The following SUPT3H variants were observed in gnomAD, a reference collection of about 807,000 sequenced individuals.
The protein encoded by SUPT3H is transcription initiation protein SPT3 homolog.
A neutral mutation model predicts 44.3 loss-of-function variants in SUPT3H; 44 were observed. The observed-to-expected ratio is 0.99, with a 90% CI of 0.78 to 1.28. The LOEUF (loss-of-function observed/expected upper bound fraction) is 1.28, where lower values mean the gene tolerates loss of function less well. SUPT3H is among the 50% of genes most tolerant of loss of function. The pLI is 0.00. For missense variants in SUPT3H, 380 were observed against 387.1 expected, an observed-to-expected ratio of 0.98 and a Z score of 0.15; for synonymous variants, 124 against 125.6, an observed-to-expected ratio of 0.99 and a Z score of 0.09.
At chr6:45,141,272 G>A (rs6458420) in intron 2 of SUPT3H, among the ~76,000 whole-genome samples, 58,971 of 138,486 alleles carry the variant, frequency 0.43, 12,182 homozygotes, top group East Asian at 0.72. Flanking sequence ...CCCGGGAGGC[G>A]AAGGTTGCAG....
intron 3 of SUPT3H, among the ~76,000 whole-genome samples, chr6:45,093,734 T>A (rs971467515): frequency 6.6e-6 from 1 of 152,146 alleles, no homozygotes; most frequent in African/African-American, 2.4e-5. Context: ...CATTACTTTT[T>A]ATAATTCAAG....
intron 2 of SUPT3H, among the ~76,000 whole-genome samples, chr6:45,187,801 A>T (rs1814498398): frequency 6.6e-6 from 1 of 152,194 alleles, no homozygotes; most frequent in Admixed American, 6.5e-5. Context: ...TTAGATGCAA[A>T]ATCATCAACA....
chr6:44,978,688 C>T (rs912793852), intron 6 of SUPT3H, among the ~76,000 whole-genome samples: 3 of 152,108 alleles, frequency 2.0e-5, no homozygotes, highest in Non-Finnish European at 4.4e-5. Context: ...CCTTTCTATT[C>T]GTTCTAAGTA....
intron 2 of SUPT3H, among the ~76,000 whole-genome samples, chr6:45,271,534 T>A (rs1262651832): frequency 6.6e-6 from 1 of 152,176 alleles, no homozygotes; most frequent in African/African-American, 2.4e-5. Context: ...CTGAAGCCTG[T>A]GAGCCTCCAC....
intron 3 of SUPT3H, among the ~76,000 whole-genome samples, chr6:45,054,829 A>G (rs1790867661): frequency 6.6e-6 from 1 of 152,110 alleles, no homozygotes; most frequent in African/African-American, 2.4e-5. Context: ...AGACTTGTAA[A>G]CTGCCTGAAC....
At position 45,068,492 on chromosome 6, in the gene SUPT3H, G is replaced by A. The variant is rs553481591; in HGVS notation, c.186+37430C>T. ...AAAATAAAAAAAAAAGATAGGGATG[G>A]GTAGAGATAAGGATAGGGGTAATCT... On this transcript the variant is annotated intron_variant, in intron 3 of 10. Coordinates refer to ENST00000371459, the MANE Select transcript of SUPT3H (RefSeq NM_003599.4). Among the ~76,000 whole-genome samples, 596 of 152,094 alleles carry A rather than the reference G, an allele frequency of 3.9e-3. 7 individuals are homozygous for A. Among genetic ancestry groups the A allele is most frequent in the African/African-American group, 0.014 (568 of 41,502 alleles).
chr6:44,923,040 T>C (rs1768975917), intron 10 of SUPT3H, among the ~76,000 whole-genome samples: 1 of 152,110 alleles, frequency 6.6e-6, no homozygotes, highest in Non-Finnish European at 1.5e-5. Context: ...CATTTAAACC[T>C]CAAGATTTAG....
intron 2 of SUPT3H, among the ~76,000 whole-genome samples, chr6:45,297,191 T>A (rs998626545): frequency 2.6e-5 from 4 of 151,730 alleles, no homozygotes; most frequent in African/African-American, 7.3e-5. Flanking sequence ...ACAAGAAAAA[T>A]TTTAGAGGAA....
rs1490375720 is a variant in SUPT3H at position 45,092,651 on chromosome 6, G to C, written c.186+13271C>G. Among the ~76,000 whole-genome samples the C allele has an allele frequency of 2.6e-5, 4 of 151,590 alleles. No homozygotes were observed. The South Asian group carries it at 8.3e-4, about 32-fold the overall frequency. On this transcript the variant is annotated intron_variant, in intron 3 of 10. Transcript: ENST00000371459. ...TGTAATCCCAGCTACTTGGGGGACC[G>C]AGGCAGGAGAATTACTTGAACCTGT...
At chr6:44,910,367 T>C (rs1766820794) in intron 10 of SUPT3H, among the ~76,000 whole-genome samples, 1 of 152,222 alleles carries the variant, frequency 6.6e-6, no homozygotes, top group African/African-American at 2.4e-5. Flanking sequence ...TTGTTTACTA[T>C]ATTCCTTTCA....
chr6:45,141,156 A>G (rs938935477), intron 2 of SUPT3H, among the ~76,000 whole-genome samples: 1 of 151,952 alleles, frequency 6.6e-6, no homozygotes, highest in African/African-American at 2.4e-5. Context: ...CCTGGCCAAC[A>G]TGGTAGAACT....
chr6:45,021,795 C>T (rs1785172186), intron 3 of SUPT3H, among the ~76,000 whole-genome samples: 1 of 151,942 alleles, frequency 6.6e-6, no homozygotes, highest in Non-Finnish European at 1.5e-5. Context: ...AATACACAGA[C>T]TACAAAATAG....
chr6:45,029,343 G>GTGTGTA, intron 3 of SUPT3H, among the ~76,000 whole-genome samples: 1 of 146,376 alleles, frequency 6.8e-6, no homozygotes, highest in African/African-American at 2.5e-5. Context: ...ATTTGTATGT[G>GTGTGTA]TATATATATA....
chr6:44,948,647 T>C lies in SUPT3H; in HGVS notation c.801+4663A>G, dbSNP rs971799049. Reference sequence around the variant, plus strand: ...CAAAAAACACATGGAAAAATGCTCATCATCACTGGCCATCAGAGAAATGCA... The same window carrying C: ...CAAAAAACACATGGAAAAATGCTCACCATCACTGGCCATCAGAGAAATGCA... On this transcript the variant is annotated intron_variant, in intron 9 of 10. Transcript: ENST00000371459. Among the ~76,000 whole-genome samples the C allele has an allele frequency of 1.8e-4, 27 of 152,278 alleles. No individual in the cohort carries two copies. In the East Asian group the frequency reaches 3.5e-3, roughly 20 times the overall value.
intron 1 of SUPT3H, among the ~76,000 whole-genome samples, chr6:45,375,961 A>C (rs1337251023): frequency 2.0e-5 from 3 of 152,246 alleles, no homozygotes; most frequent in Non-Finnish European, 1.5e-5. Context: ...CTCAAGAGTT[A>C]CAATTTTTCA....
intron 10 of SUPT3H, among the ~76,000 whole-genome samples, chr6:44,843,742 G>A (rs1215914136): frequency 6.6e-6 from 1 of 152,068 alleles, no homozygotes; most frequent in East Asian, 1.9e-4. Flanking sequence ...TATAAGTGGA[G>A]AGAGATACTG....
At chr6:44,891,766 A>G (rs1359339407) in intron 10 of SUPT3H, among the ~76,000 whole-genome samples, 3 of 152,014 alleles carry the variant, frequency 2.0e-5, no homozygotes, top group African/African-American at 7.2e-5. Context: ...TTTATTATGT[A>G]TATTTTACAA....
intron 2 of SUPT3H, among the ~76,000 whole-genome samples, chr6:45,131,934 T>A (rs539597596): frequency 1.3e-5 from 2 of 152,208 alleles, no homozygotes; most frequent in African/African-American, 2.4e-5. Flanking sequence ...AACTGGGTAG[T>A]ACGGAATCCT....
chr6:44,864,699 C>A (rs1319676539), intron 10 of SUPT3H, among the ~76,000 whole-genome samples: 1 of 152,190 alleles, frequency 6.6e-6, no homozygotes, highest in Non-Finnish European at 1.5e-5. Context: ...GGACACAGGG[C>A]ACCAAGTCCC....
Sources: allele counts gnomAD v4.1 joint callset (sites outside exome capture counted in the v4.1 genomes callset), GRCh38; gene constraint gnomAD v4.1.1; transcripts MANE v1.5; gene names NCBI Gene and HGNC (gene_info 2026-07-23, HGNC 2026-07-21).